Variants in VRK2 observed in about 807,000 individuals in gnomAD.
The protein encoded by VRK2 is serine/threonine-protein kinase VRK2.
VRK2 carries 60 observed loss-of-function variants against 57.6 expected under a neutral mutation model. The observed-to-expected ratio is 1.04, with a 90% confidence interval of 0.85 to 1.29. The LOEUF (loss-of-function observed/expected upper bound fraction) is 1.29. Among genes scored for constraint, VRK2 ranks in the 50% most tolerant of loss-of-function variants. The probability of loss-of-function intolerance (pLI) is 0.00; values close to 1 mark genes in which losing one functional copy is unlikely to be tolerated. For missense variants in VRK2, 705 were observed against 588.1 expected, an observed-to-expected ratio of 1.20 and a Z score of -2.06; for synonymous variants, 231 against 199.2, an observed-to-expected ratio of 1.16 and a Z score of -1.35.
At chr2:58,064,046 C>G (rs1249219626) in intron 2 of VRK2, among the ~76,000 whole-genome samples, 1 of 152,066 alleles carries the variant, frequency 6.6e-6, no homozygotes, top group Non-Finnish European at 1.5e-5. Flanking sequence ...TGCTCAATCT[C>G]ATGATAACAT....
At chr2:57,981,580 C>A (rs1247420910) in intron 1 of VRK2, among the ~76,000 whole-genome samples, 1 of 152,132 alleles carries the variant, frequency 6.6e-6, no homozygotes, top group East Asian at 1.9e-4. Flanking sequence ...GCATGCCAAC[C>A]TCTGTGGTGA....
intron 1 of VRK2, among the ~76,000 whole-genome samples, chr2:57,910,586 ATTTG>A (rs1234453231): frequency 1.3e-5 from 2 of 152,112 alleles, no homozygotes; most frequent in African/African-American, 4.8e-5. Flanking sequence ...CTTTTTTATC[ATTTG>A]TTTATCTGAA....
intron 1 of VRK2, among the ~76,000 whole-genome samples, chr2:57,919,632 T>A (rs911985478): frequency 3.3e-5 from 5 of 152,118 alleles, no homozygotes; most frequent in African/African-American, 1.2e-4. Context: ...CATACAAATG[T>A]CTGTATCCAG....
At chr2:58,123,461 A>T (rs538905085) in intron 8 of VRK2, among the ~76,000 whole-genome samples, 6 of 152,214 alleles carry the variant, frequency 3.9e-5, no homozygotes, top group African/African-American at 2.4e-5. Context: ...TGTGTCAAGT[A>T]AGCAAAACTT....
chr2:57,933,753 C>T (rs145693374), intron 1 of VRK2, among the ~76,000 whole-genome samples: 159 of 151,934 alleles, frequency 1.0e-3, no homozygotes, highest in African/African-American at 3.6e-3. Context: ...TCGAGATTTG[C>T]AATTGCCAAT....
rs1467632763 is a variant in VRK2 at position 58,086,373 on chromosome 2, T to C, written c.291T>C (p.Tyr97=). Residue 97 remains tyrosine (Y), a synonymous_variant, in exon 5 of 13, where the codon TAT becomes TAC. Transcript: ENST00000340157. ...KKWIERKQLD[Y]LGIPLFYGSG... Reference sequence around the variant, plus strand: ...GGATAGAACGCAAACAACTTGATTATTTAGGAATTCCTCTGTTTTATGGAT... The same window carrying C: ...GGATAGAACGCAAACAACTTGATTACTTAGGAATTCCTCTGTTTTATGGAT... 4.4e-6 allele frequency: 7 copies of C among 1,605,340 alleles called. No individual in the cohort carries two copies. Among genetic ancestry groups the C allele is most frequent in the Non-Finnish European group, 5.1e-6 (6 of 1,177,526 alleles).
intron 1 of VRK2, among the ~76,000 whole-genome samples, chr2:58,012,133 T>C (rs1241817220): frequency 1.3e-5 from 2 of 152,172 alleles, no homozygotes; most frequent in African/African-American, 2.4e-5. Context: ...AAATTTACAG[T>C]AATCAGGAAG....
At chr2:58,105,655 A>G (rs916304894) in intron 7 of VRK2, among the ~76,000 whole-genome samples, 2 of 150,966 alleles carry the variant, frequency 1.3e-5, no homozygotes, top group East Asian at 1.9e-4. Context: ...TTTTTCAGTT[A>G]GTGTGGGAAA....
chr2:58,078,996 A>T (rs1428368055), intron 2 of VRK2, among the ~76,000 whole-genome samples: 1 of 152,036 alleles, frequency 6.6e-6, no homozygotes, highest in African/African-American at 2.4e-5. Flanking sequence ...TTTAAACTGG[A>T]CTTTTGTTGA....
At chr2:58,074,073 C>G (rs977963271) in intron 2 of VRK2, among the ~76,000 whole-genome samples, 3 of 152,144 alleles carry the variant, frequency 2.0e-5, no homozygotes, top group Non-Finnish European at 4.4e-5. Context: ...TATTAACCAT[C>G]ACATCTGCTT....
chr2:58,002,034 C>T (rs1673105752), intron 1 of VRK2, among the ~76,000 whole-genome samples: 1 of 152,078 alleles, frequency 6.6e-6, no homozygotes, highest in South Asian at 2.1e-4. Context: ...TGAATTCCTA[C>T]CGTATTTCAC....
intron 1 of VRK2, among the ~76,000 whole-genome samples, chr2:57,919,313 T>C (rs1670259667): frequency 6.6e-6 from 1 of 152,140 alleles, no homozygotes; most frequent in African/African-American, 2.4e-5. Context: ...TAATGTTTTA[T>C]AAGAAATATA....
intron 2 of VRK2, among the ~76,000 whole-genome samples, chr2:58,052,880 A>C (rs1177214088): frequency 6.6e-6 from 1 of 152,232 alleles, no homozygotes; most frequent in Non-Finnish European, 1.5e-5. Flanking sequence ...GAAATTATTC[A>C]AAATTGAGAA....
intron 1 of VRK2, chr2:58,047,085 C>T (rs750111777): frequency 1.5e-6 from 1 of 664,040 alleles, no homozygotes; most frequent in Non-Finnish European, 1.9e-6. Context: ...GCGTCCCCTT[C>T]TACTCACGTT....
chr2:58,013,837 C>A, intron 1 of VRK2, among the ~76,000 whole-genome samples: 1 of 120,914 alleles, frequency 8.3e-6, no homozygotes. Flanking sequence ...CCCTCCTGGG[C>A]GACAGAACGA....
At position 58,131,860 on chromosome 2, in the gene VRK2, G is replaced by A. The variant is rs1679246228; in HGVS notation, c.729G>A (p.Trp243Ter). 1 of 1,614,114 alleles carries A rather than the reference G, an allele frequency of 6.2e-7. No homozygotes were observed. The highest frequency in any genetic ancestry group is 1.3e-5 in the African/African-American group (1 of 75,028). The change falls in exon 9 of 13, where the codon TGG (tryptophan) becomes TGA (stop). Residue 243 changes from tryptophan (W) to a stop codon, truncating the protein, a stop_gained. Coordinates refer to ENST00000340157, the MANE Select transcript of VRK2 (RefSeq NM_006296.7). LOFTEE classifies it high-confidence loss of function. ...VEILGYCMLR[W>*]LCGKLPWEQN... ...TCCTCGGCTACTGCATGCTGCGGTG[G>A]TTGTGTGGGAAACTTCCCTGGGAAC...
intron 1 of VRK2, among the ~76,000 whole-genome samples, chr2:57,952,660 C>A (rs79005319): frequency 5.3e-5 from 8 of 151,226 alleles, no homozygotes; most frequent in Non-Finnish European, 1.0e-4. Context: ...TAAGTATTCT[C>A]GGATACATGA....
At chr2:57,967,837 A>C (rs977765137) in intron 1 of VRK2, among the ~76,000 whole-genome samples, 1 of 152,174 alleles carries the variant, frequency 6.6e-6, no homozygotes, top group Non-Finnish European at 1.5e-5. Flanking sequence ...ATTAAAAGGG[A>C]ATTAGAAAAA....
intron 12 of VRK2, among the ~76,000 whole-genome samples, chr2:58,153,863 A>G (rs772969710): frequency 8.5e-5 from 13 of 152,196 alleles, no homozygotes; most frequent in Middle Eastern, 3.4e-3. Context: ...TATGAATTCA[A>G]TTTCTTTAGT....
Sources: allele counts gnomAD v4.1 joint callset (sites outside exome capture counted in the v4.1 genomes callset), GRCh38; gene constraint gnomAD v4.1.1; transcripts MANE v1.5; gene names NCBI Gene and HGNC (gene_info 2026-07-23, HGNC 2026-07-21).